Variants in RIMKLB observed in about 807,000 individuals in gnomAD.
RIMKLB encodes beta-citrylglutamate synthase B.
In RIMKLB, 7 loss-of-function variants were observed where a neutral mutation model predicts 32.0. The ratio of observed to expected loss-of-function variants is 0.22; its 90% CI spans 0.12 to 0.41. The LOEUF is 0.41. Among genes scored for constraint, RIMKLB ranks in the 10% least tolerant of loss-of-function variants. The pLI, the probability that RIMKLB is intolerant of heterozygous loss-of-function variation, is 1.00. For missense variants in RIMKLB, 289 were observed against 498.7 expected (o/e 0.58, Z 4.00); for synonymous variants, 172 against 185.1 (o/e 0.93, Z 0.57).
chr12:8,735,992 A>G (rs1309300971), intron 2 of RIMKLB, among the ~76,000 whole-genome samples: 1 of 152,070 alleles, frequency 6.6e-6, no homozygotes, highest in African/African-American at 2.4e-5. Flanking sequence ...AGCCTCCCAA[A>G]GTGCTGGGAT....
intron 1 of RIMKLB, among the ~76,000 whole-genome samples, chr12:8,713,275 T>C (rs1944530456): frequency 6.6e-6 from 1 of 152,060 alleles, no homozygotes; most frequent in Non-Finnish European, 1.5e-5. Flanking sequence ...CATTGAAGCT[T>C]ACCTAGTAAG....
At chr12:8,713,423 AT>A (rs1186265821) in intron 1 of RIMKLB, among the ~76,000 whole-genome samples, 2 of 152,194 alleles carry the variant, frequency 1.3e-5, no homozygotes, top group Non-Finnish European at 2.9e-5. Context: ...AAATATATTG[AT>A]TGGCATTTCA....
At position 8,774,277 on chromosome 12, in the gene RIMKLB, T is replaced by A. The variant is rs1196615796; in HGVS notation, c.*493T>A. ...TGCCATTTCCTTATTAACTAGCAGCTTTAGTTTGTAGTTTATGAAATCTTG... is the reference window on the plus strand; with the variant it reads ...TGCCATTTCCTTATTAACTAGCAGCATTAGTTTGTAGTTTATGAAATCTTG... On this transcript the variant is annotated 3_prime_UTR_variant, in exon 6 of 6. Coordinates refer to ENST00000535829, the MANE Select transcript of RIMKLB (RefSeq NM_001297776.2). 7.1e-6 allele frequency: 7 copies of A among 982,046 alleles called. No individual in the cohort carries two copies. The East Asian group carries it at 8.0e-4, about 112-fold the overall frequency. 60.8% of individuals were successfully genotyped at this position (982,046 alleles called of 1,614,324 possible). A position where few individuals can be genotyped will look rare whatever the true frequency, so the allele number is the denominator to read the frequency against.
chr12:8,734,785 T>C (rs1946846642), intron 2 of RIMKLB, among the ~76,000 whole-genome samples: 1 of 152,000 alleles, frequency 6.6e-6, no homozygotes, highest in Non-Finnish European at 1.5e-5. Flanking sequence ...CAAATTATTT[T>C]ATAAAAATAG....
upstream of RIMKLB, among the ~76,000 whole-genome samples, chr12:8,694,693 C>T (rs1283711274): frequency 6.6e-6 from 1 of 152,164 alleles, no homozygotes; most frequent in African/African-American, 2.4e-5. Flanking sequence ...CCTGCCCGGT[C>T]CCTCCTGTTG....
intron 2 of RIMKLB, among the ~76,000 whole-genome samples, chr12:8,721,323 T>C (rs1945419006): frequency 1.3e-5 from 2 of 152,232 alleles, no homozygotes; most frequent in Admixed American, 6.5e-5. Flanking sequence ...CTGTAGCATG[T>C]GATGCTATTT....
intron 1 of RIMKLB, among the ~76,000 whole-genome samples, chr12:8,705,503 C>A (rs1349577617): frequency 6.7e-6 from 1 of 149,394 alleles, no homozygotes; most frequent in Non-Finnish European, 1.5e-5. Flanking sequence ...AAGTAAAATG[C>A]CGGTGATATT....
chr12:8,709,142 T>G (rs1014556774), intron 1 of RIMKLB, among the ~76,000 whole-genome samples: 44 of 152,214 alleles, frequency 2.9e-4, no homozygotes, highest in African/African-American at 1.0e-3. Context: ...GGTAACCAAG[T>G]TTACTCCTTT....
upstream of RIMKLB, among the ~76,000 whole-genome samples, chr12:8,693,096 G>A (rs752697460): frequency 9.8e-5 from 15 of 152,292 alleles, no homozygotes; most frequent in African/African-American, 3.4e-4. Context: ...AAACCCAGGG[G>A]GAAATGATTT....
At chr12:8,722,215 A>G (rs1297544184) in intron 2 of RIMKLB, among the ~76,000 whole-genome samples, 1 of 75,112 alleles carries the variant, frequency 1.3e-5, no homozygotes, top group Non-Finnish European at 2.8e-5. Flanking sequence ...GCTGTCTCAC[A>G]GAGCTAAAAA....
intron 2 of RIMKLB, among the ~76,000 whole-genome samples, chr12:8,745,895 A>T (rs1948040642): frequency 6.6e-6 from 1 of 150,500 alleles, no homozygotes; most frequent in Non-Finnish European, 1.5e-5. Context: ...GGGTTTCACC[A>T]TGTTGGCCAG....
chr12:8,754,224 G>C, intron 5 of RIMKLB, 131 bp downstream of exon 5: 1 of 656,094 alleles, frequency 1.5e-6, no homozygotes, highest in Non-Finnish European at 2.7e-6. Flanking sequence ...ATGTAAATAT[G>C]ATTTTTACAC....
At chr12:8,677,879 A>G (rs1211976016), upstream of RIMKLB, among the ~76,000 whole-genome samples, 1 of 151,566 alleles carries the variant, frequency 6.6e-6, no homozygotes, top group Non-Finnish European at 1.5e-5. Flanking sequence ...CAGCTTCCCA[A>G]GTAACTGGGA....
rs917702404 is a variant in RIMKLB, at chr12:8,738,338, C to G, written c.176-11524C>G. ...GGATTACAGGGATGAACCACCACACCGTGCAATTAATGGTTTTTGAATATA... is the reference window on the plus strand; with the variant it reads ...GGATTACAGGGATGAACCACCACACGGTGCAATTAATGGTTTTTGAATATA... On this transcript the variant is annotated intron_variant, in intron 2 of 5. Coordinates refer to ENST00000535829, the MANE Select transcript of RIMKLB (RefSeq NM_001297776.2). Among the ~76,000 whole-genome samples the G allele has an allele frequency of 4.5e-4, 68 of 152,168 alleles. 1 individual carries two copies. The highest frequency in any genetic ancestry group is 1.5e-3 in the African/African-American group (62 of 41,440).
intron 2 of RIMKLB, among the ~76,000 whole-genome samples, chr12:8,733,424 T>G (rs904147030): frequency 1.3e-5 from 2 of 152,232 alleles, no homozygotes; most frequent in Non-Finnish European, 2.9e-5. Context: ...ATCTGTTTAC[T>G]ACCATAGCCA....
intron 2 of RIMKLB, among the ~76,000 whole-genome samples, chr12:8,716,920 CT>C (rs1944911055): frequency 6.6e-6 from 1 of 151,222 alleles, no homozygotes; most frequent in South Asian, 2.1e-4. Context: ...TTAAACACAA[CT>C]TTTATCATCT....
At chr12:8,677,900 G>A (rs931561799), upstream of RIMKLB, among the ~76,000 whole-genome samples, 1 of 151,344 alleles carries the variant, frequency 6.6e-6, no homozygotes, top group Non-Finnish European at 1.5e-5. Context: ...CTACAGGCAT[G>A]CGCCACCATG....
the RIMKLB span, among the ~76,000 whole-genome samples, chr12:8,672,180 G>A: frequency 1.3e-5 from 2 of 152,122 alleles, no homozygotes; most frequent in African/African-American, 4.8e-5. Flanking sequence ...TGTCCATATT[G>A]CTGTCAGCAT....
the RIMKLB span, among the ~76,000 whole-genome samples, chr12:8,669,945 C>T: frequency 2.1e-3 from 304 of 145,892 alleles, 3 homozygotes; most frequent in Non-Finnish European, 3.1e-3. Flanking sequence ...GAGAATGGTG[C>T]GAACCCGGGA....
Sources: gnomAD v4.1 joint callset for allele counts (sites outside exome capture counted in the v4.1 genomes callset) on GRCh38, gnomAD v4.1.1 for gene constraint, MANE v1.5 for transcripts, NCBI Gene and HGNC (gene_info 2026-07-23, HGNC 2026-07-21) for gene names.